RBM19: variants seen among roughly 807,000 people sequenced by gnomAD.
RBM19 encodes probable RNA-binding protein 19.
A neutral mutation model predicts 116.8 loss-of-function variants in RBM19; 94 were observed. The observed-to-expected ratio is 0.80, with a 90% CI of 0.68 to 0.95. The LOEUF (loss-of-function observed/expected upper bound fraction) is 0.95. Ranked by LOEUF, RBM19 falls within the 40% of genes least tolerant of loss-of-function variation. The pLI is 0.00. For synonymous variants in RBM19, 475 were observed against 494.1 expected (o/e 0.96, Z 0.51); for missense variants, 1,161 against 1,220.7 (o/e 0.95, Z 0.73).
intron 23 of RBM19, among the ~76,000 whole-genome samples, chr12:113,843,309 G>A (rs1216035637): frequency 6.6e-6 from 1 of 152,158 alleles, no homozygotes; most frequent in African/African-American, 2.4e-5. Context: ...GGTGACACCC[G>A]AGGCCCTGAG....
intron 21 of RBM19, among the ~76,000 whole-genome samples, chr12:113,883,602 A>G (rs1880299192): frequency 6.6e-6 from 1 of 152,266 alleles, no homozygotes; most frequent in Non-Finnish European, 1.5e-5. Context: ...GTGCCTACAG[A>G]TATTTTTCCC....
chr12:113,857,370 C>A (rs1462342473), intron 22 of RBM19, among the ~76,000 whole-genome samples: 4 of 152,252 alleles, frequency 2.6e-5, no homozygotes, highest in Non-Finnish European at 4.4e-5. Context: ...CTGCCCTAAC[C>A]CTGGGAGGGG....
intron 23 of RBM19, among the ~76,000 whole-genome samples, chr12:113,840,997 TGGG>T (rs1023562060): frequency 3.3e-5 from 5 of 152,176 alleles, no homozygotes; most frequent in African/African-American, 1.2e-4. Flanking sequence ...CCCGTGGCAC[TGGG>T]GAAGGGTTCG....
chr12:113,842,691 G>A (rs755105041), intron 23 of RBM19, among the ~76,000 whole-genome samples: 31 of 152,352 alleles, frequency 2.0e-4, no homozygotes, highest in East Asian at 1.9e-4. Context: ...AAGAAGGCAC[G>A]GTGACAGAAG....
chr12:113,922,447 A>T (rs1484251049), intron 18 of RBM19, among the ~76,000 whole-genome samples: 1 of 152,152 alleles, frequency 6.6e-6, no homozygotes, highest in South Asian at 2.1e-4. Flanking sequence ...ACATGGAAAG[A>T]TCAGATAACC....
In RBM19 at chr12:113,927,074, T is replaced by C. The variant is rs1869146967; in HGVS notation, c.2224A>G (p.Thr742Ala). The change falls in exon 17 of 24, where the codon ACA becomes GCA. Residue 742 changes from threonine (T) to alanine (A), a missense_variant. Thr to Ala is a moderately conservative substitution (Grantham distance 58). Coordinates refer to ENST00000261741, the MANE Select transcript of RBM19 (RefSeq NM_016196.4). ...LFIKNLNFDT[T>A]EEKLKEVFSK... ...CTCACTTCCTTCAGCTTCTCTTCTG[T>C]TGTGTCAAAATTGAGATTCTTAATA... is the stretch of plus-strand genomic sequence containing the variant. 1.2e-6 allele frequency: 2 copies of C among 1,613,542 alleles called. No homozygotes were observed. The highest frequency in any genetic ancestry group is 1.1e-5 in the South Asian group (1 of 90,990).
intron 21 of RBM19, among the ~76,000 whole-genome samples, chr12:113,863,328 C>A (rs1203723908): frequency 6.6e-6 from 1 of 152,126 alleles, no homozygotes; most frequent in Non-Finnish European, 1.5e-5. Context: ...CCAGCAGCTG[C>A]TACCGAAAAG....
intron 20 of RBM19, 42 bp downstream of exon 20, chr12:113,918,350 C>A: frequency 6.2e-7 from 1 of 1,608,642 alleles, no homozygotes; most frequent in Non-Finnish European, 8.5e-7. Flanking sequence ...GCACAGGAAG[C>A]CCCAGCTCGT....
chr12:113,949,975 C>T, intron 9 of RBM19, 108 bp downstream of exon 9: 1 of 1,026,670 alleles, frequency 9.7e-7, no homozygotes. Flanking sequence ...TGCAGAGACA[C>T]TGCATTCTTG....
intron 21 of RBM19, among the ~76,000 whole-genome samples, chr12:113,867,326 A>G (rs1160897929): frequency 6.6e-6 from 1 of 152,136 alleles, no homozygotes; most frequent in Non-Finnish European, 1.5e-5. Context: ...TTTTCATGGG[A>G]CTCATCATTC....
chr12:113,912,240 GCCCTGCACTCT>G (rs1882475024), intron 21 of RBM19, among the ~76,000 whole-genome samples: 1 of 152,200 alleles, frequency 6.6e-6, no homozygotes, highest in Non-Finnish European at 1.5e-5. Context: ...GCTCTCCGGA[GCCCTGCACTCT>G]CACCTGCACA....
chr12:113,944,666 G>T (rs1402448793), intron 13 of RBM19, among the ~76,000 whole-genome samples: 1 of 150,514 alleles, frequency 6.6e-6, no homozygotes, highest in East Asian at 2.0e-4. Flanking sequence ...ATGATGGCAT[G>T]CATCTGTAGT....
chr12:113,923,855 G>A (rs1402961238), intron 18 of RBM19, among the ~76,000 whole-genome samples: 4 of 152,306 alleles, frequency 2.6e-5, no homozygotes, highest in African/African-American at 9.6e-5. Flanking sequence ...GCAGGGCTGC[G>A]TCTCCCTCAG....
At chr12:113,828,330 G>C (rs1157846423) in intron 23 of RBM19, among the ~76,000 whole-genome samples, 1 of 152,138 alleles carries the variant, frequency 6.6e-6, no homozygotes, top group Non-Finnish European at 1.5e-5. Context: ...CTGCCTACAG[G>C]TAACTGATGA....
At chr12:113,873,844 G>A (rs945435975) in intron 21 of RBM19, among the ~76,000 whole-genome samples, 2 of 152,340 alleles carry the variant, frequency 1.3e-5, no homozygotes, top group Middle Eastern at 3.4e-3. Context: ...GAAATGAGAC[G>A]CATGGTGCGG....
chr12:113,876,365 C>T (rs1879668583), intron 21 of RBM19, among the ~76,000 whole-genome samples: 1 of 152,194 alleles, frequency 6.6e-6, no homozygotes, highest in Non-Finnish European at 1.5e-5. Flanking sequence ...CTCTCCTCCA[C>T]TTGGCCTCGG....
chr12:113,853,629 G>A (rs1285864910), intron 22 of RBM19, among the ~76,000 whole-genome samples: 4 of 152,182 alleles, frequency 2.6e-5, no homozygotes, highest in Non-Finnish European at 4.4e-5. Flanking sequence ...AGAGGAGGTG[G>A]CAGCTTCTAA....
intron 13 of RBM19, among the ~76,000 whole-genome samples, chr12:113,944,550 C>T (rs1870854535): frequency 6.6e-6 from 1 of 152,184 alleles, no homozygotes; most frequent in Admixed American, 6.5e-5. Flanking sequence ...GTAATCCCAA[C>T]ACTTTGGGAG....
chr12:113,958,109 T>C (rs1239175798), intron 5 of RBM19, 59 bp from the exon 6 acceptor site: 2 of 1,544,746 alleles, frequency 1.3e-6, no homozygotes, highest in East Asian at 2.3e-5. Flanking sequence ...AGGTCAGAGG[T>C]AGCAAATGGT....
Sources: allele counts gnomAD v4.1 joint callset (sites outside exome capture counted in the v4.1 genomes callset), GRCh38; gene constraint gnomAD v4.1.1; transcripts MANE v1.5; gene names NCBI Gene and HGNC (gene_info 2026-07-23, HGNC 2026-07-21).